Variants in MBD2 observed in about 807,000 individuals in gnomAD.
The protein encoded by MBD2 is methyl-CpG-binding domain protein 2.
In MBD2, 9 loss-of-function variants were observed where a neutral mutation model predicts 39.3. The observed-to-expected ratio is 0.23, with a 90% CI of 0.14 to 0.40. MBD2 has a LOEUF of 0.40. Among genes scored for constraint, MBD2 ranks in the 10% least tolerant of loss-of-function variants. MBD2 has a pLI of 1.00. For synonymous variants in MBD2, 233 were observed against 211.1 expected, an observed-to-expected ratio of 1.10 and a Z score of -0.90; for missense variants, 458 against 532.6, an observed-to-expected ratio of 0.86 and a Z score of 1.38.
intron 2 of MBD2, among the ~76,000 whole-genome samples, chr18:54,201,144 CCTG>C (rs2086404759): frequency 6.6e-6 from 1 of 152,110 alleles, no homozygotes; most frequent in African/African-American, 2.4e-5. Context: ...TCAACAGCCA[CCTG>C]TGGCTGAAAA....
intron 3 of MBD2, among the ~76,000 whole-genome samples, chr18:54,178,826 T>C (rs2086229758): frequency 6.6e-6 from 1 of 152,122 alleles, no homozygotes; most frequent in Non-Finnish European, 1.5e-5. Flanking sequence ...AATATCACAA[T>C]AGATACTGTA....
chr18:54,192,294 G>A (rs954853167), intron 2 of MBD2, among the ~76,000 whole-genome samples: 4 of 152,104 alleles, frequency 2.6e-5, no homozygotes, highest in East Asian at 1.9e-4. Flanking sequence ...GTGCAGTGGC[G>A]CGATCTTGGC....
At position 54,152,555 on chromosome 18, in the gene MBD2, G is replaced by T. The variant is rs908885123; in HGVS notation, c.*2769C>A. The T allele has an allele frequency of 1.3e-5, 2 of 152,180 alleles. No individual in the cohort carries two copies. The highest frequency in any genetic ancestry group is 4.8e-5 in the African/African-American group (2 of 41,446). The allele number at this position is 152,180 out of a possible 1,614,324, so 9.4% of individuals were successfully genotyped here. Reference sequence around the variant, plus strand: ...CTCATGGAGCTTACATTCTAGTAGAGAAATAGACAAAAAGCCAACAAATAA... The same window carrying T: ...CTCATGGAGCTTACATTCTAGTAGATAAATAGACAAAAAGCCAACAAATAA... On this transcript the variant is annotated 3_prime_UTR_variant, in exon 7 of 7. Coordinates refer to ENST00000256429, the MANE Select transcript of MBD2 (RefSeq NM_003927.5).
At chr18:54,167,364 C>T (rs892895934) in intron 3 of MBD2, among the ~76,000 whole-genome samples, 2 of 152,188 alleles carry the variant, frequency 1.3e-5, no homozygotes, top group African/African-American at 4.8e-5. Flanking sequence ...GATAGACGAC[C>T]TTGGACAAGG....
chr18:54,184,617 T>C (rs2086272285), intron 3 of MBD2, among the ~76,000 whole-genome samples: 1 of 152,216 alleles, frequency 6.6e-6, no homozygotes, highest in African/African-American at 2.4e-5. Flanking sequence ...TTCACACTAA[T>C]TATATTTCTG....
chr18:54,213,438 A>G (rs757703260), intron 1 of MBD2, among the ~76,000 whole-genome samples: 1 of 152,250 alleles, frequency 6.6e-6, no homozygotes, highest in Non-Finnish European at 1.5e-5. Flanking sequence ...ACCGTCTTCC[A>G]TGAAACCGGT....
chr18:54,167,491 A>C (rs2086142786), intron 3 of MBD2, among the ~76,000 whole-genome samples: 1 of 152,244 alleles, frequency 6.6e-6, no homozygotes, highest in South Asian at 2.1e-4. Context: ...AGTATCCATT[A>C]TATACTGGGC....
chr18:54,207,763 C>T (rs1449684805), intron 1 of MBD2, among the ~76,000 whole-genome samples: 4 of 152,070 alleles, frequency 2.6e-5, no homozygotes, highest in African/African-American at 7.2e-5. Context: ...AATAGCCAGG[C>T]GCAGTGGTTC....
chr18:54,172,973 C>T (rs2086188831), intron 3 of MBD2, among the ~76,000 whole-genome samples: 1 of 152,204 alleles, frequency 6.6e-6, no homozygotes, highest in Non-Finnish European at 1.5e-5. Flanking sequence ...TCACCTGTGG[C>T]TTGTAGCACA....
At chr18:54,157,841 C>T (rs1224751739) in intron 6 of MBD2, among the ~76,000 whole-genome samples, 3 of 152,172 alleles carry the variant, frequency 2.0e-5, no homozygotes, top group African/African-American at 7.2e-5. Flanking sequence ...CTCTCTCACC[C>T]GCACTTCCAG....
At chr18:54,204,929 T>G in intron 2 of MBD2, 69 bp downstream of exon 2, 1 of 1,486,998 alleles carries the variant, frequency 6.7e-7, no homozygotes, top group South Asian at 1.2e-5. Context: ...AGTCACTTAA[T>G]TATGATGTGA....
rs753336754 is a variant in MBD2, at chr18:54,224,075, T to C, written c.485A>G (p.Glu162Gly). Residue 162 changes from glutamate (E) to glycine (G), a missense_variant, in exon 1 of 7, where the codon GAG (glutamate) becomes GGG (glycine). Transcript: ENST00000256429. ...CPALPPGWKK[E>G]EVIRKSGLSA... Reference sequence around the variant, plus strand: ...TAGCCCAGATTTTCGGATCACTTCCTCCTTCTTCCATCCGGGGGGGAGGGC... The same window carrying C: ...TAGCCCAGATTTTCGGATCACTTCCCCCTTCTTCCATCCGGGGGGGAGGGC... 6.3e-7 allele frequency: 1 copy of C among 1,596,594 alleles called. No individual in the cohort carries two copies. Among genetic ancestry groups the C allele is most frequent in the Admixed American group, 1.7e-5 (1 of 59,426 alleles).
chr18:54,188,772 C>T, intron 3 of MBD2, 102 bp downstream of exon 3: 1 of 1,251,212 alleles, frequency 8.0e-7, no homozygotes, highest in Non-Finnish European at 1.1e-6. Flanking sequence ...AATTTTCTTT[C>T]CAAATATACT....
chr18:54,180,950 G>A (rs1253529557), intron 3 of MBD2, among the ~76,000 whole-genome samples: 1 of 129,762 alleles, frequency 7.7e-6, no homozygotes, highest in East Asian at 2.3e-4. Flanking sequence ...ATTCTGGAGT[G>A]CAGTGGCCTG....
intron 6 of MBD2, among the ~76,000 whole-genome samples, chr18:54,155,747 T>C (rs919699336): frequency 3.3e-5 from 5 of 152,204 alleles, no homozygotes; most frequent in Admixed American, 3.3e-4. Context: ...CATGAGAGCA[T>C]TTACAGATGA....
intron 1 of MBD2, among the ~76,000 whole-genome samples, chr18:54,216,006 C>T (rs2086557236): frequency 2.6e-5 from 4 of 151,880 alleles, no homozygotes; most frequent in Admixed American, 2.6e-4. Flanking sequence ...GGAGTTTCAC[C>T]ATGTTGGTCA....
intron 3 of MBD2, among the ~76,000 whole-genome samples, chr18:54,175,167 C>G (rs2086203226): frequency 6.6e-6 from 1 of 152,188 alleles, no homozygotes; most frequent in African/African-American, 2.4e-5. Context: ...GTGAACTGAC[C>G]AGAGGAACAT....
At chr18:54,188,832 T>A (rs111469458) in intron 3 of MBD2, 42 bp downstream of exon 3, 17 of 1,549,862 alleles carry the variant, frequency 1.1e-5, no homozygotes, top group Admixed American at 1.8e-5. Flanking sequence ...AATACCAGCA[T>A]TTTTCTGAAA....
At chr18:54,205,474 C>A (rs973984146) in intron 1 of MBD2, among the ~76,000 whole-genome samples, 3 of 151,292 alleles carry the variant, frequency 2.0e-5, no homozygotes, top group Non-Finnish European at 1.5e-5. Flanking sequence ...GCCTGTAATC[C>A]CAGCTATTCA....
Sources: allele counts gnomAD v4.1 joint callset (sites outside exome capture counted in the v4.1 genomes callset), GRCh38; gene constraint gnomAD v4.1.1; transcripts MANE v1.5; gene names NCBI Gene and HGNC (gene_info 2026-07-23, HGNC 2026-07-21).